Variants in IFT172 observed in about 807,000 individuals in gnomAD.
The protein encoded by IFT172 is intraflagellar transport protein 172 homolog.
Under a neutral mutation model 248.9 loss-of-function variants are expected in IFT172, and 164 were observed. The observed-to-expected ratio is 0.66, with a 90% confidence interval of 0.58 to 0.75. The LOEUF (loss-of-function observed/expected upper bound fraction) is 0.75, where lower values mean the gene tolerates loss of function less well. Among genes scored for constraint, IFT172 ranks in the 30% least tolerant of loss-of-function variants. The probability of loss-of-function intolerance (pLI) is 0.00; values close to 1 mark genes in which losing one functional copy is unlikely to be tolerated. For synonymous variants in IFT172, 729 were observed against 791.6 expected (o/e 0.92, Z 1.33); for missense variants, 1,950 against 2,192.4 (o/e 0.89, Z 2.21).
intron 1 of IFT172, among the ~76,000 whole-genome samples, chr2:27,486,800 T>C (rs2148562240): frequency 6.6e-6 from 1 of 152,336 alleles, no homozygotes; most frequent in Admixed American, 6.5e-5. Flanking sequence ...TGAAGGAGGA[T>C]TTCATTTCCA....
At chr2:27,476,160 GAAA>G (rs1430216557) in intron 14 of IFT172, among the ~76,000 whole-genome samples, 90 of 152,128 alleles carry the variant, frequency 5.9e-4, no homozygotes, top group Non-Finnish European at 8.8e-5. Flanking sequence ...TCTATGAAGT[GAAA>G]ACAGGAAAAT....
Position 27,449,321 on chromosome 2 carries a change from G to C in IFT172, c.4284C>G (p.Asp1428Glu), listed in dbSNP as rs199502476. ...LDLYVEQGQW[D>E]KCIETATKQN... ...GCTTGGTAGCTGTTTCAATGCACTT[G>C]TCCCACTGGCCCTGCTCCACATACA... The change falls in exon 39 of 48, where the codon GAC (aspartate) becomes GAG (glutamate). Residue 1428 changes from aspartate to glutamate, a missense_variant. Asp to Glu is a conservative substitution (Grantham distance 45). Coordinates refer to ENST00000260570, the MANE Select transcript of IFT172 (RefSeq NM_015662.3). 49 of 1,614,120 alleles carry C rather than the reference G, an allele frequency of 3.0e-5. No homozygotes were observed. In the Middle Eastern group the frequency reaches 6.6e-4, roughly 22 times the overall value.
chr2:27,462,783 C>A lies in IFT172; in HGVS notation c.2033G>T (p.Gly678Val), dbSNP rs374276538. 12 of 1,613,922 alleles carry A rather than the reference C, an allele frequency of 7.4e-6. No homozygotes were observed. In the South Asian group the frequency reaches 1.3e-4, roughly 18 times the overall value. ...DQVSREYGGE[G>V]TDFYQVRARL... ...TGCTCGGACCTGATAAAAGTCTGTT[C>A]CTTCTCCGCCCTGTGGGGGAAAAAG... The change falls in exon 20 of 48, where the codon GGA becomes GTA. Residue 678 changes from glycine (G) to valine (V), a missense_variant. This residue lies in a region of IFT172 where 1,166 missense variants were observed against 1,254.1 expected (regional missense o/e 0.93). Transcript: ENST00000260570.
At position 27,456,535 on chromosome 2, in the gene IFT172, G is replaced by T. The variant is rs1666180411; in HGVS notation, c.3347C>A (p.Ala1116Asp). 6.2e-7 allele frequency: 1 copy of T among 1,613,914 alleles called. No individual in the cohort carries two copies. The highest frequency in any genetic ancestry group is 1.7e-5 in the Admixed American group (1 of 60,002). The change falls in exon 30 of 48, where the codon GCT becomes GAT. Residue 1116 changes from alanine to aspartate, a missense_variant. This residue lies in a region of IFT172 where 164 missense variants were observed against 239.3 expected (regional missense o/e 0.69). Transcript: ENST00000260570. ...LLNKLGLLEA[A>D]VDHAADNCSF... ...CCAATTGTCTGCAGCGTGGTCAACA[G>T]CAGCTTCCAGGAGTCCCAGCTTATT...
At position 27,470,863 on chromosome 2, in the gene IFT172, G is replaced by A. The variant is rs1728913; in HGVS notation, c.1692+65C>T. 1.0e-3 allele frequency: 1,460 copies of A among 1,442,542 alleles called. 11 individuals carry two copies. The African/African-American group carries it at 0.019, about 19-fold the overall frequency. The allele number at this position is 1,442,542 out of a possible 1,614,324, so 89.4% of individuals were successfully genotyped here. On this transcript the variant is annotated intron_variant, in intron 16 of 47. Coordinates refer to ENST00000260570, the MANE Select transcript of IFT172 (RefSeq NM_015662.3). ...CACAGAAAACCAAGTAGCCTTCAGA[G>A]TCTCCTCATGGCTCTAATTAATCAG...
intron 42 of IFT172, chr2:27,446,591 G>A (rs1018231676): frequency 2.6e-6 from 1 of 380,018 alleles, no homozygotes; most frequent in Non-Finnish European, 4.8e-6. Context: ...TCAGCTCACT[G>A]CAACCTCTGC....
At chr2:27,484,738 C>T (rs1056403235) in intron 3 of IFT172, among the ~76,000 whole-genome samples, 1 of 152,078 alleles carries the variant, frequency 6.6e-6, no homozygotes, top group Non-Finnish European at 1.5e-5. Flanking sequence ...TATGAGGGAG[C>T]CTAAGCAGCT....
At chr2:27,451,078 C>T (rs994472401) in intron 35 of IFT172, among the ~76,000 whole-genome samples, 49 of 151,712 alleles carry the variant, frequency 3.2e-4, no homozygotes, top group African/African-American at 9.0e-4. Context: ...TGATGATAAC[C>T]TTTCAACACT....
At chr2:27,456,783 AC>A in intron 29 of IFT172, 130 bp from the exon 30 acceptor site, 1 of 1,324,646 alleles carries the variant, frequency 7.5e-7, no homozygotes, top group South Asian at 1.5e-5. Flanking sequence ...GGTGGCTCAT[AC>A]CTATAATCCC....
chr2:27,481,299 A>T, intron 7 of IFT172, 39 bp from the exon 8 acceptor site: 1 of 1,503,528 alleles, frequency 6.7e-7, no homozygotes, highest in Non-Finnish European at 9.1e-7. Context: ...CTCTTCGAAG[A>T]CTCCACCCGA....
At position 27,462,729 on chromosome 2, in the gene IFT172, T is replaced by C; in HGVS notation, c.2087A>G (p.Lys696Arg). The change falls in exon 20 of 48, where the codon AAA becomes AGA. Residue 696 changes from lysine to arginine, a missense_variant. Around this residue, in one of 3 missense-constraint regions of IFT172, gnomAD observed 1,166 missense variants for 1,254.1 expected, o/e 0.93. Coordinates refer to ENST00000260570, the MANE Select transcript of IFT172 (RefSeq NM_015662.3). ...TTCCAAAAAGATCATTTCAGCCAGT[T>C]TGTAGTTCTTTTCCAGCATGGCTAG... is the stretch of plus-strand genomic sequence containing the variant. ...ARLAMLEKNY[K>R]LAEMIFLEQN... The C allele has an allele frequency of 1.9e-6, 3 of 1,613,934 alleles. No homozygotes were observed. The highest frequency in any genetic ancestry group is 2.2e-5 in the South Asian group (2 of 91,078).
intron 35 of IFT172, among the ~76,000 whole-genome samples, chr2:27,452,637 G>A (rs1665775203): frequency 6.6e-6 from 1 of 152,178 alleles, no homozygotes; most frequent in African/African-American, 2.4e-5. Context: ...AACCTGTACA[G>A]CACATTTCTG....
chr2:27,451,916 G>A (rs1024327585), intron 35 of IFT172, among the ~76,000 whole-genome samples: 7 of 151,686 alleles, frequency 4.6e-5, no homozygotes, highest in Non-Finnish European at 8.8e-5. Context: ...TATCTAAGGT[G>A]CGTCATTTAA....
intron 20 of IFT172, 58 bp from the exon 21 acceptor site, chr2:27,461,894 A>G: frequency 6.3e-7 from 1 of 1,596,940 alleles, no homozygotes; most frequent in Non-Finnish European, 8.6e-7. Flanking sequence ...ATCAGAAAGC[A>G]GCAAGCTCTC....
At chr2:27,459,089 A>G (rs1666421282) in intron 25 of IFT172, 1 of 626,232 alleles carries the variant, frequency 1.6e-6, no homozygotes, top group Admixed American at 3.3e-5. Context: ...CATTTCTGCA[A>G]TGCAAAGCAA....
Position 27,457,913 on chromosome 2 carries a change from A to G in IFT172, c.3039T>C (p.Tyr1013=). The change falls in exon 28 of 48, where the codon TAT becomes TAC. Residue 1013 remains tyrosine (Y), a synonymous_variant. Coordinates refer to ENST00000260570, the MANE Select transcript of IFT172 (RefSeq NM_015662.3). ...AITMYKKHKL[Y]DDMIRLVGKH... is the part of the protein sequence containing the mutation. ...TCCCTACCAGGCGGATCATGTCATCATACAACTTGTGCTTTTTGTACATGG... is the reference window on the plus strand; with the variant it reads ...TCCCTACCAGGCGGATCATGTCATCGTACAACTTGTGCTTTTTGTACATGG... The G allele has an allele frequency of 1.2e-6, 2 of 1,614,198 alleles. No individual in the cohort carries two copies. Among genetic ancestry groups the G allele is most frequent in the Admixed American group, 1.7e-5 (1 of 60,018 alleles).
chr2:27,448,637 T>C (rs905603861), intron 40 of IFT172, among the ~76,000 whole-genome samples: 1 of 152,154 alleles, frequency 6.6e-6, no homozygotes, highest in African/African-American at 2.4e-5. Context: ...AGGATTCATC[T>C]CTGAAAGACA....
chr2:27,473,910 C>A (rs1045336160), intron 14 of IFT172, among the ~76,000 whole-genome samples: 2 of 151,096 alleles, frequency 1.3e-5, no homozygotes, highest in Non-Finnish European at 3.0e-5. Context: ...TGGATTCAGG[C>A]GATTCTCCTG....
At chr2:27,448,222 C>A (rs1047593241) in intron 40 of IFT172, among the ~76,000 whole-genome samples, 1 of 152,102 alleles carries the variant, frequency 6.6e-6, no homozygotes, top group East Asian at 1.9e-4. Flanking sequence ...GCCTCAGCCT[C>A]CCGAGTAGCT....
Sources: allele counts gnomAD v4.1 joint callset (sites outside exome capture counted in the v4.1 genomes callset), GRCh38; gene constraint gnomAD v4.1.1; regional missense constraint gnomAD v4.1.1; transcripts MANE v1.5; gene names NCBI Gene and HGNC (gene_info 2026-07-23, HGNC 2026-07-21).